RPL31: variants seen among roughly 807,000 people sequenced by gnomAD.
RPL31 encodes the protein ribosomal protein L31, also known as large ribosomal subunit protein eL31.
For synonymous variants in RPL31, 51 were observed against 55.0 expected (o/e 0.93, Z 0.32); for missense variants, 95 against 164.0 (o/e 0.58, Z 2.30).
At chr2:101,011,599 G>GT (rs1679218552), downstream of RPL31, 3 of 1,568,830 alleles carry the variant, frequency 1.9e-6, no homozygotes, top group Non-Finnish European at 2.6e-6. Flanking sequence ...AAAACTGACA[G>GT]TAATGTAGCT....
downstream of RPL31, chr2:101,007,667 T>G: frequency 1.4e-6 from 1 of 730,004 alleles, no homozygotes; most frequent in Non-Finnish European, 2.3e-6. Flanking sequence ...TTGAGGGTTG[T>G]GTCGGTTCCC....
chr2:101,008,070 C>CGAGT, downstream of RPL31: 1 of 1,613,940 alleles, frequency 6.2e-7, no homozygotes, highest in African/African-American at 1.3e-5. Flanking sequence ...CTGCAAAAAC[C>CGAGT]GAGTCCTCAG....
intron 4 of RPL31, among the ~76,000 whole-genome samples, chr2:101,016,981 C>T (rs1392337818): frequency 6.6e-6 from 1 of 151,122 alleles, no homozygotes; most frequent in Admixed American, 6.6e-5. Context: ...TGCTAAATGA[C>T]GAGTTAATGG....
chr2:101,005,239 G>A (rs920529591), intron 3 of RPL31: 7 of 152,362 alleles, frequency 4.6e-5, no homozygotes, highest in Admixed American at 1.3e-4. Flanking sequence ...CTACGGAGAG[G>A]GTAAGACAGG....
intron 4 of RPL31, among the ~76,000 whole-genome samples, chr2:101,015,648 C>T (rs905338483): frequency 2.6e-5 from 4 of 152,182 alleles, no homozygotes; most frequent in African/African-American, 9.7e-5. Flanking sequence ...AAGCCAGAGG[C>T]ATCACGCTAC....
At chr2:101,018,098 A>G (rs1278085100) in intron 4 of RPL31, 10 of 620,530 alleles carry the variant, frequency 1.6e-5, no homozygotes, top group Non-Finnish European at 2.5e-5. Context: ...TTTGAATCCA[A>G]TCAACACTTT....
downstream of RPL31, chr2:101,011,219 C>T (rs1054186831): frequency 4.4e-6 from 3 of 686,128 alleles, no homozygotes; most frequent in East Asian, 2.7e-5. Flanking sequence ...TAAGAGGACC[C>T]GTGAAACAGC....
chr2:101,018,488 T>TA (rs2105372096), intron 4 of RPL31, among the ~76,000 whole-genome samples: 1 of 152,334 alleles, frequency 6.6e-6, no homozygotes, highest in Non-Finnish European at 1.5e-5. Flanking sequence ...TGGTTATGTA[T>TA]AAGACCTCAG....
intron 4 of RPL31, among the ~76,000 whole-genome samples, chr2:101,012,535 GTAGT>G (rs1490534223): frequency 6.6e-6 from 1 of 152,066 alleles, no homozygotes; most frequent in Admixed American, 6.6e-5. Flanking sequence ...GGATACACTG[GTAGT>G]GAGAGCTAAA....
At chr2:101,008,427 A>G (rs1079259), downstream of RPL31, among the ~76,000 whole-genome samples, 14,176 of 152,156 alleles carry the variant, frequency 0.093, 893 homozygotes, top group Non-Finnish European at 0.14. Context: ...ACTCTAAACT[A>G]TTAACAGTGG....
At chr2:101,002,907 G>C in intron 2 of RPL31, 99 bp downstream of exon 2, 1 of 853,788 alleles carries the variant, frequency 1.2e-6, no homozygotes, top group South Asian at 1.5e-5. Flanking sequence ...TTCCTCTTGT[G>C]GCCTTCCCTG....
chr2:101,012,250 ACACAGATTGTT>A (rs1225861426), downstream of RPL31, among the ~76,000 whole-genome samples: 2 of 152,248 alleles, frequency 1.3e-5, no homozygotes, highest in African/African-American at 4.8e-5. Flanking sequence ...GCAAACTTGT[ACACAGATTGTT>A]CACAGTAGTA....
At chr2:101,019,130 G>A (rs1240208232) in exon 5 of RPL31, 5 of 1,517,988 alleles carry the variant, frequency 3.3e-6, no homozygotes, top group Non-Finnish European at 4.5e-6. Flanking sequence ...CAAGCTCACC[G>A]AGGACGTCTG....
intron 4 of RPL31, 46 bp from the exon 5 acceptor site, chr2:101,006,304 T>G (rs1297172428): frequency 1.3e-6 from 2 of 1,591,750 alleles, no homozygotes; most frequent in Non-Finnish European, 1.7e-6. Context: ...AGTTGAAATA[T>G]GAAATGTGAT....
At chr2:101,007,953 T>C, downstream of RPL31, 1 of 1,614,086 alleles carries the variant, frequency 6.2e-7, no homozygotes. Flanking sequence ...AGTTGACTAA[T>C]GACTGTTCAG....
Position 101,006,534 on chromosome 2 carries a change from T to C in RPL31, c.*153T>C. ...GATGGCCTGTGCTGCCTTCTCCCCA[T>C]CCCCTGGGGTTTTAAAGTGATTTCA... On this transcript the variant is annotated 3_prime_UTR_variant, in exon 5 of 5. Coordinates refer to ENST00000264258, the MANE Select transcript of RPL31 (RefSeq NM_000993.5). 1 of 686,464 alleles carries C rather than the reference T, an allele frequency of 1.5e-6. No individual in the cohort carries two copies. The highest frequency in any genetic ancestry group is 1.9e-5 in the African/African-American group (1 of 53,874). 42.5% of individuals were successfully genotyped at this position (686,464 alleles called of 1,614,324 possible).
In RPL31 at chr2:101,017,726, T is replaced by C. The variant is rs929425638; in HGVS notation, c.347-1272T>C. The C allele has an allele frequency of 3.2e-6, 3 of 947,512 alleles. No homozygotes were observed. In the African/African-American group the frequency reaches 4.9e-5, roughly 16 times the overall value. 58.7% of individuals were successfully genotyped at this position (947,512 alleles called of 1,614,324 possible). Reference sequence around the variant, plus strand: ...AACAGATATCCATGGTACATCACTTTATCACAGGCAAGATAGGGTCAAGTG... The same window carrying C: ...AACAGATATCCATGGTACATCACTTCATCACAGGCAAGATAGGGTCAAGTG... On this transcript the variant is annotated intron_variant, in intron 4 of 4. Transcript: ENST00000409028.
At chr2:101,012,625 CA>C (rs71378138) in intron 4 of RPL31, among the ~76,000 whole-genome samples, 8,330 of 135,090 alleles carry the variant, frequency 0.062, 542 homozygotes, top group African/African-American at 0.17. Context: ...TCTGAATATA[CA>C]AAAAAAAAAA....
At chr2:101,009,724 A>AAAAG (rs1288607575), downstream of RPL31, among the ~76,000 whole-genome samples, 1 of 152,176 alleles carries the variant, frequency 6.6e-6, no homozygotes, top group South Asian at 2.1e-4. Flanking sequence ...TTTTGTGGTC[A>AAAAG]AAAGAAAAAA....
Sources: gnomAD v4.1 joint callset for allele counts (sites outside exome capture counted in the v4.1 genomes callset) on GRCh38, gnomAD v4.1.1 for gene constraint, MANE v1.5 for transcripts, NCBI Gene and HGNC (gene_info 2026-07-23, HGNC 2026-07-21) for gene names.